SGCD: variants seen among roughly 807,000 people sequenced by gnomAD.
SGCD encodes delta-sarcoglycan.
In SGCD, 18 loss-of-function variants were observed where a neutral mutation model predicts 36.6. That is an observed-to-expected ratio of 0.49 (90% CI 0.34 to 0.73). SGCD has a LOEUF of 0.73. Among genes scored for constraint, SGCD ranks in the 30% least tolerant of loss-of-function variants. SGCD has a pLI of 0.01. For synonymous variants in SGCD, 133 were observed against 130.6 expected (o/e 1.02, Z -0.12); for missense variants, 387 against 346.7 (o/e 1.12, Z -0.92).
Position 155,891,558 on chromosome 5 carries a change from C to CTTTTTTTTTTTTT in SGCD, c.-282+21141_-282+21153dup, listed in dbSNP as rs372399423. Among the ~76,000 whole-genome samples, 425 of 60,746 alleles carry CTTTTTTTTTTTTT rather than the reference C, an allele frequency of 7.0e-3. 65 individuals are homozygous for CTTTTTTTTTTTTT. Among genetic ancestry groups the CTTTTTTTTTTTTT allele is most frequent in the African/African-American group, 0.01 (151 of 14,588 alleles). 39.9% of individuals were successfully genotyped at this position (60,746 alleles called of 152,430 possible). On this transcript the variant is annotated intron_variant, in intron 1 of 9. Transcript: ENST00000517913. ...CAAATTCCAGAGAAAAATAAATACT[C>CTTTTTTTTTTTTT]TTTTTTTTTTTTTTTTTTTGGTGAC...
chr5:156,229,995 C>T (rs1197290569), intron 3 of SGCD, among the ~76,000 whole-genome samples: 3 of 152,082 alleles, frequency 2.0e-5, no homozygotes, highest in Admixed American at 2.0e-4. Context: ...TAAGTATGTC[C>T]GTTGTTTCCT....
intron 3 of SGCD, among the ~76,000 whole-genome samples, chr5:156,392,764 C>T (rs1433311870): frequency 6.6e-6 from 1 of 152,100 alleles, no homozygotes; most frequent in Non-Finnish European, 1.5e-5. Flanking sequence ...GGAGTCGGGC[C>T]CCTTGGTGGC....
chr5:156,401,035 A>G (rs931834099), intron 3 of SGCD, among the ~76,000 whole-genome samples: 3 of 152,226 alleles, frequency 2.0e-5, no homozygotes, highest in Non-Finnish European at 4.4e-5. Flanking sequence ...CACTGCAGAT[A>G]ATATACAAAA....
chr5:156,264,604 A>G (rs944110872), intron 3 of SGCD, among the ~76,000 whole-genome samples: 1 of 152,142 alleles, frequency 6.6e-6, no homozygotes, highest in African/African-American at 2.4e-5. Flanking sequence ...TGATACACTA[A>G]TAATACCCAT....
chr5:155,803,852 A>G, the SGCD span, among the ~76,000 whole-genome samples: 5 of 152,182 alleles, frequency 3.3e-5, no homozygotes. Context: ...AGGGTGAGAC[A>G]AAGATGTTTA....
intron 3 of SGCD, among the ~76,000 whole-genome samples, chr5:156,453,748 A>C (rs1447267356): frequency 6.6e-6 from 1 of 151,996 alleles, no homozygotes; most frequent in Non-Finnish European, 1.5e-5. Flanking sequence ...AAAACAAACA[A>C]ACAAACAAAA....
At chr5:156,495,388 G>T (rs2127854906) in intron 3 of SGCD, among the ~76,000 whole-genome samples, 1 of 152,200 alleles carries the variant, frequency 6.6e-6, no homozygotes, top group African/African-American at 2.4e-5. Context: ...TCATATTTCT[G>T]AACTTATCCC....
chr5:156,285,723 A>G (rs1766575456), intron 3 of SGCD, among the ~76,000 whole-genome samples: 1 of 152,194 alleles, frequency 6.6e-6, no homozygotes, highest in African/African-American at 2.4e-5. Context: ...TAAAAACCCT[A>G]GAAGAAAACC....
At chr5:156,120,203 CT>C (rs1355149199) in intron 2 of SGCD, among the ~76,000 whole-genome samples, 1 of 152,032 alleles carries the variant, frequency 6.6e-6, no homozygotes, top group African/African-American at 2.4e-5. Flanking sequence ...TTGGTGAATA[CT>C]TTTTTGTTTC....
the SGCD span, among the ~76,000 whole-genome samples, chr5:155,765,674 A>G: frequency 6.6e-6 from 1 of 152,194 alleles, no homozygotes; most frequent in Admixed American, 6.5e-5. Flanking sequence ...GTAACCAAAA[A>G]TCAATTGGAT....
the SGCD span, among the ~76,000 whole-genome samples, chr5:155,797,944 A>C: frequency 6.6e-6 from 1 of 152,204 alleles, no homozygotes; most frequent in South Asian, 2.1e-4. Flanking sequence ...TCTTCTGTGC[A>C]ATGATGCTGA....
intron 3 of SGCD, among the ~76,000 whole-genome samples, chr5:156,469,162 G>T (rs1404748763): frequency 6.6e-6 from 1 of 152,056 alleles, no homozygotes; most frequent in African/African-American, 2.4e-5. Context: ...AAATCCTCTA[G>T]AAACTCTGTG....
At chr5:155,905,588 C>T (rs1756490620) in intron 1 of SGCD, among the ~76,000 whole-genome samples, 1 of 152,024 alleles carries the variant, frequency 6.6e-6, no homozygotes, top group African/African-American at 2.4e-5. Flanking sequence ...TTGCATTTGG[C>T]TTTATTGTGT....
At chr5:156,002,188 C>A (rs566004794) in intron 1 of SGCD, among the ~76,000 whole-genome samples, 2 of 152,222 alleles carry the variant, frequency 1.3e-5, no homozygotes, top group South Asian at 4.1e-4. Context: ...GAGCCCTAAT[C>A]CAGTATGACT....
At chr5:156,611,117 C>T (rs1761782126) in intron 6 of SGCD, among the ~76,000 whole-genome samples, 1 of 152,224 alleles carries the variant, frequency 6.6e-6, no homozygotes, top group Non-Finnish European at 1.5e-5. Context: ...CAGAAATCAC[C>T]CGTCTTCTGC....
rs184482366 is a variant in SGCD, at chr5:156,135,391, G to A, written c.-44+11372G>A. Among the ~76,000 whole-genome samples the A allele has an allele frequency of 3.6e-4, 55 of 152,060 alleles. 3 individuals carry two copies. The East Asian group carries it at 4.1e-3, about 11-fold the overall frequency. ...TGGTAGCCCTCACCTCTCTCACTAG[G>A]CCAGGGATATAAGACACCTGGTACA... On this transcript the variant is annotated intron_variant, in intron 3 of 9. Coordinates refer to the SGCD transcript ENST00000517913.
intron 7 of SGCD, among the ~76,000 whole-genome samples, chr5:156,735,149 C>T (rs1756285256): frequency 6.6e-6 from 1 of 152,182 alleles, no homozygotes; most frequent in African/African-American, 2.4e-5. Flanking sequence ...AGGCTGTGAA[C>T]AGCAAAGATG....
chr5:156,620,592 G>A (rs768788114), intron 6 of SGCD, among the ~76,000 whole-genome samples: 1 of 152,182 alleles, frequency 6.6e-6, no homozygotes, highest in African/African-American at 2.4e-5. Flanking sequence ...GAGAAATAGG[G>A]GGAAGTGTAA....
chr5:155,995,986 CA>C (rs753195795), intron 1 of SGCD, among the ~76,000 whole-genome samples: 2,584 of 46,266 alleles, frequency 0.056, 40 homozygotes, highest in African/African-American at 0.12. Flanking sequence ...CAGACCACAC[CA>C]AAAAAAAAAA....
Sources: gnomAD v4.1 joint callset for allele counts (sites outside exome capture counted in the v4.1 genomes callset) on GRCh38, gnomAD v4.1.1 for gene constraint, MANE v1.5 for transcripts, NCBI Gene and HGNC (gene_info 2026-07-23, HGNC 2026-07-21) for gene names.